Variants in SPPL3 observed in about 807,000 individuals in gnomAD.
SPPL3 encodes signal peptide peptidase-like 3.
Under a neutral mutation model 42.4 loss-of-function variants are expected in SPPL3, and 5 were observed. The observed-to-expected ratio is 0.12, with a 90% CI of 0.06 to 0.25. The LOEUF is 0.25. Ranked by LOEUF, SPPL3 falls within the 10% of genes least tolerant of loss-of-function variation. The probability of loss-of-function intolerance (pLI) is 1.00; values close to 1 mark genes in which losing one functional copy is unlikely to be tolerated. For missense variants in SPPL3, 235 were observed against 489.0 expected (o/e 0.48, Z 4.90); for synonymous variants, 195 against 181.8 (o/e 1.07, Z -0.58).
At chr12:120,833,679 AAG>A (rs1871509611) in intron 1 of SPPL3, among the ~76,000 whole-genome samples, 1 of 52,390 alleles carries the variant, frequency 1.9e-5, no homozygotes, top group Non-Finnish European at 5.6e-5. Flanking sequence ...AAAAAAAAAA[AAG>A]AAAAAAAAAA....
intron 1 of SPPL3, among the ~76,000 whole-genome samples, chr12:120,861,435 A>G (rs1447744014): frequency 6.6e-6 from 1 of 152,246 alleles, no homozygotes; most frequent in Non-Finnish European, 1.5e-5. Flanking sequence ...AATAAATAAC[A>G]GGAAGGGAAA....
At chr12:120,803,904 TACAC>T (rs1357542911) in intron 2 of SPPL3, among the ~76,000 whole-genome samples, 1 of 152,168 alleles carries the variant, frequency 6.6e-6, no homozygotes, top group Non-Finnish European at 1.5e-5. Context: ...ATCAACATAT[TACAC>T]ACAATTAGAA....
chr12:120,787,156 GTAA>G (rs1412023155), intron 3 of SPPL3, among the ~76,000 whole-genome samples: 1 of 152,080 alleles, frequency 6.6e-6, no homozygotes, highest in African/African-American at 2.4e-5. Context: ...TTATTATATA[GTAA>G]GCAACAGGAG....
intron 1 of SPPL3, among the ~76,000 whole-genome samples, chr12:120,902,434 A>C (rs1453893817): frequency 6.6e-6 from 1 of 152,158 alleles, no homozygotes; most frequent in Non-Finnish European, 1.5e-5. Context: ...CATTTCTTAG[A>C]TGTTTCTCTA....
chr12:120,892,930 C>T lies in SPPL3; in HGVS notation c.23+10915G>A, dbSNP rs1301909157. Among the ~76,000 whole-genome samples, 7 of 137,670 alleles carry T rather than the reference C, an allele frequency of 5.1e-5. No individual in the cohort carries two copies. The South Asian group carries it at 6.9e-4, about 14-fold the overall frequency. 90.3% of individuals were successfully genotyped at this position (137,670 alleles called of 152,430 possible). A position where few individuals can be genotyped will look rare whatever the true frequency, so the allele number is the denominator to read the frequency against. On this transcript the variant is annotated intron_variant, in intron 1 of 10. Transcript: ENST00000353487. Reference sequence around the variant, plus strand: ...CCGGTAGGCAGAGGTTGCAGTGAGCCGAGATGGTGCCACTGCACTCCAGCC... The same window carrying T: ...CCGGTAGGCAGAGGTTGCAGTGAGCTGAGATGGTGCCACTGCACTCCAGCC...
chr12:120,770,290 G>A (rs990575373), intron 6 of SPPL3, among the ~76,000 whole-genome samples: 1 of 152,108 alleles, frequency 6.6e-6, no homozygotes, highest in East Asian at 1.9e-4. Context: ...TTCTCCCAAA[G>A]TGCTGGGATT....
chr12:120,850,506 A>C lies in SPPL3; in HGVS notation c.24-39620T>G, dbSNP rs979951984. Among the ~76,000 whole-genome samples, 363 of 151,354 alleles carry C rather than the reference A, an allele frequency of 2.4e-3. 4 individuals carry two copies. The highest frequency in any genetic ancestry group is 7.6e-3 in the African/African-American group (312 of 41,228). ...AGACCAGCCTTTAAAAAAAAAAAAA[A>C]AAAAAAACAAAAGCCAAATGCTGCT... On this transcript the variant is annotated intron_variant, in intron 1 of 10. Transcript: ENST00000353487.
At chr12:120,877,945 C>A (rs1201378321) in intron 1 of SPPL3, among the ~76,000 whole-genome samples, 1 of 151,752 alleles carries the variant, frequency 6.6e-6, no homozygotes, top group African/African-American at 2.4e-5. Context: ...TCGCTTGAAT[C>A]TGGGAGGCAG....
intron 1 of SPPL3, among the ~76,000 whole-genome samples, chr12:120,820,306 A>ATTTTTTTTTTTTTTTTTTTTTTTTTTTT (rs11374486): frequency 9.9e-6 from 1 of 100,998 alleles, no homozygotes; most frequent in African/African-American, 4.1e-5. Flanking sequence ...CTTTCTCTAA[A>ATTTTTTTTTTTTTTTTTTTTTTTTTTTT]TTTTTTTTTT....
rs547083145 is a variant in SPPL3, at chr12:120,823,944, C to T, written c.24-13058G>A. Among the ~76,000 whole-genome samples the T allele has an allele frequency of 3.6e-4, 54 of 151,628 alleles. No individual in the cohort carries two copies. In the South Asian group the frequency reaches 8.8e-3, roughly 25 times the overall value. On this transcript the variant is annotated intron_variant, in intron 1 of 10. Transcript: ENST00000353487. ...GGAGTGCAGTGGCGCAATCTCAGCTCACTGCAAGCTCCGCCTCCCGGGTTC... is the reference window on the plus strand; with the variant it reads ...GGAGTGCAGTGGCGCAATCTCAGCTTACTGCAAGCTCCGCCTCCCGGGTTC...
intron 1 of SPPL3, among the ~76,000 whole-genome samples, chr12:120,883,676 G>C (rs1188389120): frequency 6.6e-6 from 1 of 152,010 alleles, no homozygotes; most frequent in Non-Finnish European, 1.5e-5. Flanking sequence ...CACTGGAAAG[G>C]AATGCAACAA....
intron 1 of SPPL3, among the ~76,000 whole-genome samples, chr12:120,893,509 T>C (rs1873709900): frequency 6.6e-6 from 1 of 152,152 alleles, no homozygotes; most frequent in Non-Finnish European, 1.5e-5. Context: ...TCCTCAAGTC[T>C]TTCACATCTC....
rs1566040988 is a variant in SPPL3, at chr12:120,784,467, T to C, written c.310+7A>G. Reference sequence around the variant, plus strand: ...TGTTAAGACTAGACAGAGAAACTCATATTTACCTGCTGTACATATTGTAAA... The same window carrying C: ...TGTTAAGACTAGACAGAGAAACTCACATTTACCTGCTGTACATATTGTAAA... On this transcript the variant is annotated splice_region_variant and intron_variant, in intron 4 of 10. Coordinates refer to ENST00000353487, the MANE Select transcript of SPPL3 (RefSeq NM_139015.5). 6.3e-7 allele frequency: 1 copy of C among 1,585,380 alleles called. No individual in the cohort carries two copies.
intron 6 of SPPL3, among the ~76,000 whole-genome samples, chr12:120,777,917 T>TAGGAA (rs1302733178): frequency 6.6e-6 from 1 of 152,148 alleles, no homozygotes; most frequent in Non-Finnish European, 1.5e-5. Context: ...ACTTTGCCTT[T>TAGGAA]CCTGTCTGCG....
chr12:120,829,500 G>A (rs1258566022), intron 1 of SPPL3, among the ~76,000 whole-genome samples: 2 of 152,126 alleles, frequency 1.3e-5, no homozygotes, highest in Non-Finnish European at 2.9e-5. Context: ...GGAGACTGAG[G>A]CAGGGGAATC....
intron 1 of SPPL3, among the ~76,000 whole-genome samples, chr12:120,848,815 AG>A (rs761365016): frequency 3.3e-5 from 5 of 152,340 alleles, no homozygotes; most frequent in Admixed American, 1.3e-4. Flanking sequence ...GAAAATAGTA[AG>A]GACAAAAATG....
At chr12:120,780,353 G>A (rs890405401) in intron 6 of SPPL3, among the ~76,000 whole-genome samples, 1 of 151,450 alleles carries the variant, frequency 6.6e-6, no homozygotes, top group Middle Eastern at 3.4e-3. Context: ...GTACTTGAGA[G>A]GCAGAGGTGG....
intron 1 of SPPL3, among the ~76,000 whole-genome samples, chr12:120,879,815 T>TTA (rs141803971): frequency 1.6e-4 from 25 of 152,112 alleles, no homozygotes; most frequent in Non-Finnish European, 2.5e-4. Flanking sequence ...AAGGTAAAAG[T>TTA]TATATATATA....
chr12:120,890,848 A>T (rs1306456513), intron 1 of SPPL3, among the ~76,000 whole-genome samples: 1 of 152,204 alleles, frequency 6.6e-6, no homozygotes, highest in Non-Finnish European at 1.5e-5. Context: ...GAGAATCAAG[A>T]ATGTCTCCGA....
Sources: gnomAD v4.1 joint callset for allele counts (sites outside exome capture counted in the v4.1 genomes callset) on GRCh38, gnomAD v4.1.1 for gene constraint, MANE v1.5 for transcripts, NCBI Gene and HGNC (gene_info 2026-07-23, HGNC 2026-07-21) for gene names.